ZSWIM6: variants seen among roughly 807,000 people sequenced by gnomAD.
The protein encoded by ZSWIM6 is zinc finger SWIM-type containing 6, also known as zinc finger SWIM domain-containing protein 6.
Under a neutral mutation model 113.2 loss-of-function variants are expected in ZSWIM6, and 9 were observed. The ratio of observed to expected loss-of-function variants is 0.08; its 90% CI spans 0.05 to 0.14. The LOEUF (loss-of-function observed/expected upper bound fraction) is 0.14, where lower values mean the gene tolerates loss of function less well. Among genes scored for constraint, ZSWIM6 ranks in the 10% least tolerant of loss-of-function variants. ZSWIM6 has a pLI of 1.00. For synonymous variants in ZSWIM6, 611 were observed against 606.5 expected (o/e 1.01, Z -0.11); for missense variants, 1,162 against 1,552.2 (o/e 0.75, Z 4.22).
intron 7 of ZSWIM6, among the ~76,000 whole-genome samples, chr5:61,529,488 G>A (rs1017044378): frequency 6.6e-6 from 1 of 152,146 alleles, no homozygotes; most frequent in African/African-American, 2.4e-5. Flanking sequence ...AAGGTGATGG[G>A]GGTAATTTAA....
intron 1 of ZSWIM6, among the ~76,000 whole-genome samples, chr5:61,445,105 A>G (rs754928844): frequency 1.3e-5 from 2 of 151,956 alleles, no homozygotes; most frequent in African/African-American, 4.8e-5. Context: ...AGTTTATGCA[A>G]TACTCATTGC....
intron 7 of ZSWIM6, 102 bp from the exon 8 acceptor site, chr5:61,529,950 A>T: frequency 9.5e-7 from 1 of 1,051,582 alleles, no homozygotes; most frequent in Non-Finnish European, 1.3e-6. Flanking sequence ...GAACTGGTTT[A>T]TCAGGATGCT....
At chr5:61,404,081 C>T (rs1745996958) in intron 1 of ZSWIM6, among the ~76,000 whole-genome samples, 1 of 151,474 alleles carries the variant, frequency 6.6e-6, no homozygotes, top group South Asian at 2.1e-4. Flanking sequence ...GATCTTGGCT[C>T]ACTGCAAGCT....
rs1350639723 is a variant in ZSWIM6, at chr5:61,544,331, AATGGGGTGGGGGGTGGGG to A, written c.*20_*37del. The stretch of plus-strand genomic sequence containing the variant: ...AGGTTTGGTTGATAGATCTTGTATG[AATGGGGTGGGGGGTGGGG>A]ATGGGAGGGATGGTTTGTTTTTACT... On this transcript the variant is annotated 3_prime_UTR_variant, in exon 14 of 14. Transcript: ENST00000252744. 6 of 216,256 alleles carry A rather than the reference AATGGGGTGGGGGGTGGGG, an allele frequency of 2.8e-5. No homozygotes were observed. Among genetic ancestry groups the A allele is most frequent in the East Asian group, 2.0e-4 (1 of 4,934 alleles). The allele number at this position is 216,256 out of a possible 1,614,324, so 13.4% of individuals were successfully genotyped here.
chr5:61,445,512 A>G (rs1746931889), intron 1 of ZSWIM6, among the ~76,000 whole-genome samples: 1 of 152,214 alleles, frequency 6.6e-6, no homozygotes, highest in South Asian at 2.1e-4. Context: ...GGGATAAAAA[A>G]ATCATTGGAA....
At chr5:61,393,712 T>C (rs989089968) in intron 1 of ZSWIM6, among the ~76,000 whole-genome samples, 3 of 145,038 alleles carry the variant, frequency 2.1e-5, no homozygotes, top group African/African-American at 7.7e-5. Flanking sequence ...CACTCCAGCC[T>C]GGGTGACAGA....
At chr5:61,446,702 T>C (rs1746961049) in intron 1 of ZSWIM6, among the ~76,000 whole-genome samples, 3 of 152,216 alleles carry the variant, frequency 2.0e-5, no homozygotes, top group Non-Finnish European at 4.4e-5. Flanking sequence ...TTATTAAAGA[T>C]TTACTTAAGT....
At chr5:61,508,650 C>T (rs1748693753) in intron 4 of ZSWIM6, among the ~76,000 whole-genome samples, 1 of 152,114 alleles carries the variant, frequency 6.6e-6, no homozygotes, top group Non-Finnish European at 1.5e-5. Context: ...TCTTTGTTCC[C>T]TCCTCTAGAA....
rs1302442647 is a variant in ZSWIM6, at chr5:61,535,430, G to GA, written c.2246-52dup. On this transcript the variant is annotated intron_variant, in intron 9 of 13. Transcript: ENST00000252744. ...GACATTTTAACAATATGCTTTACAA[G>GA]AAGTGTTAGTTCATTTTTTAGGAAC... 15 of 1,538,094 alleles carry GA rather than the reference G, an allele frequency of 9.8e-6. No homozygotes were observed. The African/African-American group carries it at 1.9e-4, about 20-fold the overall frequency.
intron 1 of ZSWIM6, among the ~76,000 whole-genome samples, chr5:61,365,351 C>A (rs78373016): frequency 4.6e-4 from 67 of 145,410 alleles, no homozygotes; most frequent in African/African-American, 6.1e-4. Context: ...GACTCTGTCT[C>A]AAAAAAAAAA....
intron 1 of ZSWIM6, among the ~76,000 whole-genome samples, chr5:61,355,455 C>G (rs1019530776): frequency 7.7e-6 from 1 of 130,064 alleles, no homozygotes; most frequent in Non-Finnish European, 1.7e-5. Flanking sequence ...CACACACACA[C>G]ACACACACAC....
intron 1 of ZSWIM6, among the ~76,000 whole-genome samples, chr5:61,465,878 C>G (rs1195469180): frequency 2.0e-5 from 3 of 151,892 alleles, no homozygotes; most frequent in South Asian, 4.1e-4. Flanking sequence ...AGATGAAAAC[C>G]ACTTCATTAG....
At chr5:61,540,930 TTTTTTTTGTTG>T in intron 12 of ZSWIM6, among the ~76,000 whole-genome samples, 1 of 108,246 alleles carries the variant, frequency 9.2e-6, no homozygotes, top group Non-Finnish European at 2.0e-5. Flanking sequence ...TTTTTTTTTT[TTTTTTTTGTTG>T]TTGTTGTTGT....
At chr5:61,451,757 T>C (rs1747090686) in intron 1 of ZSWIM6, among the ~76,000 whole-genome samples, 1 of 152,152 alleles carries the variant, frequency 6.6e-6, no homozygotes, top group African/African-American at 2.4e-5. Context: ...TTTTTAGAAA[T>C]TGCTATTTTC....
intron 2 of ZSWIM6, among the ~76,000 whole-genome samples, chr5:61,478,952 C>T (rs1747782277): frequency 6.6e-6 from 1 of 152,086 alleles, no homozygotes; most frequent in Non-Finnish European, 1.5e-5. Context: ...GAGTGGATCA[C>T]TTGATGTCAG....
chr5:61,375,609 T>C, intron 1 of ZSWIM6: 1 of 1,535,842 alleles, frequency 6.5e-7, no homozygotes, highest in South Asian at 1.2e-5. Flanking sequence ...AGTCAAAAGA[T>C]GGAACTGAGA....
intron 1 of ZSWIM6, among the ~76,000 whole-genome samples, chr5:61,449,962 G>C (rs1368550775): frequency 6.6e-6 from 1 of 152,196 alleles, no homozygotes; most frequent in East Asian, 1.9e-4. Context: ...AAGACACAGA[G>C]ATGGGTTGGG....
intron 1 of ZSWIM6, among the ~76,000 whole-genome samples, chr5:61,423,856 A>G (rs747179374): frequency 9.2e-5 from 14 of 152,120 alleles, no homozygotes; most frequent in Non-Finnish European, 1.9e-4. Flanking sequence ...CCCACTCCCC[A>G]TGCAAGAATT....
chr5:61,464,309 C>G (rs1188998479), intron 1 of ZSWIM6, among the ~76,000 whole-genome samples: 1 of 151,744 alleles, frequency 6.6e-6, no homozygotes, highest in Non-Finnish European at 1.5e-5. Context: ...GCGTGAGCCA[C>G]CATGCCTTGC....
Sources: allele counts gnomAD v4.1 joint callset (sites outside exome capture counted in the v4.1 genomes callset), GRCh38; gene constraint gnomAD v4.1.1; transcripts MANE v1.5; gene names NCBI Gene and HGNC (gene_info 2026-07-23, HGNC 2026-07-21).